Variants in AGTPBP1 observed in about 807,000 individuals in gnomAD.
AGTPBP1 encodes ATP/GTP binding carboxypeptidase 1, also known as cytosolic carboxypeptidase 1.
A neutral mutation model predicts 143.9 loss-of-function variants in AGTPBP1; 70 were observed. The observed-to-expected ratio is 0.49, with a 90% CI of 0.40 to 0.59. AGTPBP1 has a LOEUF of 0.59. AGTPBP1 is among the 20% of genes least tolerant of loss of function. The probability of loss-of-function intolerance (pLI) is 0.00; values close to 1 mark genes in which losing one functional copy is unlikely to be tolerated. For missense variants in AGTPBP1, 1,229 were observed against 1,464.5 expected, an observed-to-expected ratio of 0.84 and a Z score of 2.62; for synonymous variants, 463 against 500.2, an observed-to-expected ratio of 0.93 and a Z score of 0.99.
upstream of AGTPBP1, among the ~76,000 whole-genome samples, chr9:85,745,179 G>A (rs1401465556): frequency 6.6e-6 from 1 of 152,152 alleles, no homozygotes; most frequent in Non-Finnish European, 1.5e-5. Context: ...TTATCTCCAT[G>A]CTTTTAATAA....
chr9:85,672,010 C>T (rs1834510331), intron 7 of AGTPBP1, among the ~76,000 whole-genome samples: 1 of 152,172 alleles, frequency 6.6e-6, no homozygotes, highest in Non-Finnish European at 1.5e-5. Flanking sequence ...TCATCCTCCT[C>T]ACTCCTATCC....
chr9:85,631,231 A>G (rs1197062852), intron 14 of AGTPBP1, among the ~76,000 whole-genome samples: 1 of 152,246 alleles, frequency 6.6e-6, no homozygotes, highest in Non-Finnish European at 1.5e-5. Context: ...GGAGGGACAG[A>G]AAACAGAAAG....
At chr9:85,599,861 T>C (rs1030044763) in intron 17 of AGTPBP1, among the ~76,000 whole-genome samples, 1 of 152,216 alleles carries the variant, frequency 6.6e-6, no homozygotes, top group African/African-American at 2.4e-5. Flanking sequence ...GTTTAATTTT[T>C]TAAATATGCA....
chr9:85,794,043 G>C, the AGTPBP1 span, among the ~76,000 whole-genome samples: 2 of 152,118 alleles, frequency 1.3e-5, no homozygotes, highest in Non-Finnish European at 2.9e-5. Flanking sequence ...TTATAGTCCA[G>C]TGATATTACT....
At chr9:85,641,824 G>A (rs1244268800) in intron 13 of AGTPBP1, among the ~76,000 whole-genome samples, 1 of 151,472 alleles carries the variant, frequency 6.6e-6, no homozygotes, top group African/African-American at 2.4e-5. Context: ...CTCAGCCTCC[G>A]AGTAGCTGCA....
At chr9:85,753,757 AATAGATAGATAGATAGATAGATAG>A in the AGTPBP1 span, among the ~76,000 whole-genome samples, 6 of 145,580 alleles carry the variant, frequency 4.1e-5, no homozygotes, top group East Asian at 2.0e-4. Flanking sequence ...CCTCTCAATA[AATAGATAGATAGATAGATAGATAG>A]ATAGATAGAT....
chr9:85,678,020 A>G (rs892759577), intron 5 of AGTPBP1, among the ~76,000 whole-genome samples: 4 of 152,158 alleles, frequency 2.6e-5, no homozygotes, highest in African/African-American at 9.7e-5. Context: ...ATCAATCAAT[A>G]ATATCAAACA....
At chr9:85,675,284 T>C (rs1285947456) in intron 6 of AGTPBP1, among the ~76,000 whole-genome samples, 1 of 152,190 alleles carries the variant, frequency 6.6e-6, no homozygotes, top group African/African-American at 2.4e-5. Flanking sequence ...TGAACTTGAG[T>C]TCTAGTCAAA....
chr9:85,769,520 C>CAA, the AGTPBP1 span, among the ~76,000 whole-genome samples: 65 of 60,832 alleles, frequency 1.1e-3, no homozygotes, highest in Middle Eastern at 8.9e-3. Context: ...ACCCTGTGTC[C>CAA]AAAAAAAAAA....
the AGTPBP1 span, among the ~76,000 whole-genome samples, chr9:85,775,714 T>G: frequency 6.6e-6 from 1 of 151,830 alleles, no homozygotes; most frequent in African/African-American, 2.4e-5. Context: ...ACTAAAGAAC[T>G]TGGAGTCTGA....
At chr9:85,717,992 T>C (rs889152174) in intron 1 of AGTPBP1, among the ~76,000 whole-genome samples, 2 of 152,202 alleles carry the variant, frequency 1.3e-5, no homozygotes, top group African/African-American at 4.8e-5. Flanking sequence ...TCCACGTCCC[T>C]GCAAAGGACA....
rs956789027 is a variant in AGTPBP1 at position 85,633,089 on chromosome 9, T to G, written c.1588A>C (p.Ile530Leu). ...ISSVHGLNNDIVKALDRITLQ... is the reference protein window; with the variant it reads ...ISSVHGLNNDLVKALDRITLQ... Reference sequence around the variant, plus strand: ...GTAATTCGGTCCAAGGCCTTTACAATATCATTGTTTAAACCATGGACTGAT... The same window carrying G: ...GTAATTCGGTCCAAGGCCTTTACAAGATCATTGTTTAAACCATGGACTGAT... The change falls in exon 14 of 26, where the codon ATT (isoleucine) becomes CTT (leucine). Residue 530 changes from isoleucine to leucine, a missense_variant. Transcript: ENST00000357081. 28 of 1,614,104 alleles carry G rather than the reference T, an allele frequency of 1.7e-5. No individual in the cohort carries two copies. Among genetic ancestry groups the G allele is most frequent in the Non-Finnish European group, 2.4e-5 (28 of 1,180,038 alleles).
chr9:85,787,611 A>T, the AGTPBP1 span, among the ~76,000 whole-genome samples: 1 of 152,118 alleles, frequency 6.6e-6, no homozygotes, highest in Non-Finnish European at 1.5e-5. Flanking sequence ...TGGAATTAAG[A>T]ACTAAACAGT....
the AGTPBP1 span, among the ~76,000 whole-genome samples, chr9:85,772,785 T>C: frequency 1.3e-5 from 2 of 152,130 alleles, no homozygotes; most frequent in Non-Finnish European, 2.9e-5. Flanking sequence ...ACAACCAAAC[T>C]GTCACTTATT....
At chr9:85,569,178 CTGT>C (rs1448446480) in intron 25 of AGTPBP1, among the ~76,000 whole-genome samples, 3 of 152,128 alleles carry the variant, frequency 2.0e-5, no homozygotes. Context: ...TTAACTATGG[CTGT>C]TGTTACCAAA....
intron 1 of AGTPBP1, among the ~76,000 whole-genome samples, chr9:85,721,202 T>C: frequency 6.6e-6 from 1 of 152,224 alleles, no homozygotes; most frequent in Non-Finnish European, 1.5e-5. Flanking sequence ...CAGAGCTGAG[T>C]TCAAGTCCTG....
At chr9:85,646,680 G>T (rs1187648251) in intron 11 of AGTPBP1, among the ~76,000 whole-genome samples, 1 of 152,106 alleles carries the variant, frequency 6.6e-6, no homozygotes, top group African/African-American at 2.4e-5. Flanking sequence ...GTCTTATGTT[G>T]CGATAGCCTG....
chr9:85,746,557 A>T (rs1365401745), upstream of AGTPBP1, among the ~76,000 whole-genome samples: 1 of 152,130 alleles, frequency 6.6e-6, no homozygotes, highest in African/African-American at 2.4e-5. Context: ...TGAGCCCAGG[A>T]GTTCAAGGCT....
At chr9:85,693,683 C>T (rs1001689514) in intron 2 of AGTPBP1, among the ~76,000 whole-genome samples, 1 of 151,922 alleles carries the variant, frequency 6.6e-6, no homozygotes, top group Non-Finnish European at 1.5e-5. Flanking sequence ...ACTCCTGCCC[C>T]GCATAGAGTG....
Sources: gnomAD v4.1 joint callset for allele counts (sites outside exome capture counted in the v4.1 genomes callset) on GRCh38, gnomAD v4.1.1 for gene constraint, MANE v1.5 for transcripts, NCBI Gene and HGNC (gene_info 2026-07-23, HGNC 2026-07-21) for gene names.